Variants in KCND2 observed in about 807,000 individuals in gnomAD.
The protein encoded by KCND2 is potassium voltage-gated channel subfamily D member 2, also known as A-type voltage-gated potassium channel KCND2.
KCND2 carries 16 observed loss-of-function variants against 54.4 expected under a neutral mutation model. The observed-to-expected ratio is 0.29, with a 90% CI of 0.20 to 0.45. The LOEUF is 0.45. Ranked by LOEUF, KCND2 falls within the 20% of genes least tolerant of loss-of-function variation. The pLI, the probability that KCND2 is intolerant of heterozygous loss-of-function variation, is 1.00. For synonymous variants in KCND2, 317 were observed against 310.7 expected, an observed-to-expected ratio of 1.02 and a Z score of -0.21; for missense variants, 486 against 824.2, an observed-to-expected ratio of 0.59 and a Z score of 5.02.
intron 1 of KCND2, among the ~76,000 whole-genome samples, chr7:120,362,809 A>G (rs1444350248): frequency 6.6e-6 from 1 of 152,076 alleles, no homozygotes; most frequent in Non-Finnish European, 1.5e-5. Context: ...AATATATTTT[A>G]TCTTTGGCAA....
intron 1 of KCND2, among the ~76,000 whole-genome samples, chr7:120,546,966 C>T (rs73439851): frequency 0.025 from 3,818 of 151,762 alleles, 137 homozygotes; most frequent in African/African-American, 0.086. Context: ...TTTTTCTCCT[C>T]TGTCTCACTA....
At chr7:120,522,946 C>T (rs752292561) in intron 1 of KCND2, among the ~76,000 whole-genome samples, 6 of 152,132 alleles carry the variant, frequency 3.9e-5, no homozygotes, top group Non-Finnish European at 5.9e-5. Context: ...ACATACCTGT[C>T]TTTTGATTCC....
intron 1 of KCND2, among the ~76,000 whole-genome samples, chr7:120,326,944 G>A (rs1372558009): frequency 6.6e-6 from 1 of 152,012 alleles, no homozygotes; most frequent in Admixed American, 6.6e-5. Context: ...AATAGATCTG[G>A]TAGGGCTAGG....
chr7:120,554,097 C>T (rs1363477437), intron 1 of KCND2, among the ~76,000 whole-genome samples: 5 of 152,154 alleles, frequency 3.3e-5, no homozygotes, highest in Non-Finnish European at 7.4e-5. Context: ...TCCTGCTGAC[C>T]TGGAGATGAT....
intron 1 of KCND2, among the ~76,000 whole-genome samples, chr7:120,599,236 G>A (rs975969312): frequency 6.6e-6 from 1 of 151,942 alleles, no homozygotes. Flanking sequence ...TTCATAATAG[G>A]TCTTGAAATA....
intron 1 of KCND2, among the ~76,000 whole-genome samples, chr7:120,528,731 T>G (rs961581745): frequency 2.0e-5 from 3 of 152,160 alleles, no homozygotes; most frequent in Non-Finnish European, 2.9e-5. Flanking sequence ...AATTTTTCAT[T>G]CCCATTTTGG....
chr7:120,661,556 A>G (rs923260170), intron 1 of KCND2, among the ~76,000 whole-genome samples: 1 of 152,034 alleles, frequency 6.6e-6, no homozygotes, highest in African/African-American at 2.4e-5. Context: ...AGGCTGAGGC[A>G]CAAGAATCAC....
At chr7:120,532,431 A>G (rs962677996) in intron 1 of KCND2, among the ~76,000 whole-genome samples, 42 of 151,890 alleles carry the variant, frequency 2.8e-4, no homozygotes, top group Admixed American at 2.8e-3. Context: ...TATAATTGCT[A>G]GTATAACATG....
intron 1 of KCND2, among the ~76,000 whole-genome samples, chr7:120,389,962 C>T (rs1801048475): frequency 6.6e-6 from 1 of 151,830 alleles, no homozygotes; most frequent in South Asian, 2.1e-4. Flanking sequence ...AACTTATGTT[C>T]ACCATAAACT....
intron 1 of KCND2, among the ~76,000 whole-genome samples, chr7:120,460,623 T>C (rs915923242): frequency 2.0e-5 from 3 of 150,026 alleles, no homozygotes; most frequent in Non-Finnish European, 4.4e-5. Context: ...GAAACAATTA[T>C]CCATTTATTT....
intron 1 of KCND2, among the ~76,000 whole-genome samples, chr7:120,326,538 T>A (rs1301156415): frequency 6.6e-6 from 1 of 152,100 alleles, no homozygotes; most frequent in Non-Finnish European, 1.5e-5. Context: ...TAGCTCATTG[T>A]TGAAGGGAAA....
rs140252665 is a variant in KCND2 at position 120,371,595 on chromosome 7, A to G, written c.1115+95848A>G. On this transcript the variant is annotated intron_variant, in intron 1 of 5. Transcript: ENST00000331113. ...AAGACCCTTTCTTCACATTCACTCAATGTTCACTCACTGATTCACCCAGAG... is the reference window on the plus strand; with the variant it reads ...AAGACCCTTTCTTCACATTCACTCAGTGTTCACTCACTGATTCACCCAGAG... Among the ~76,000 whole-genome samples the G allele has an allele frequency of 3.5e-3, 526 of 152,156 alleles. 3 individuals are homozygous for G. The highest frequency in any genetic ancestry group is 0.012 in the African/African-American group (502 of 41,560).
chr7:120,362,870 G>C (rs1190008168), intron 1 of KCND2, among the ~76,000 whole-genome samples: 2 of 152,030 alleles, frequency 1.3e-5, no homozygotes, highest in Non-Finnish European at 2.9e-5. Context: ...TAGGTTGGAT[G>C]CAGGGTGAAC....
intron 1 of KCND2, among the ~76,000 whole-genome samples, chr7:120,402,693 T>C (rs1801282468): frequency 6.6e-6 from 1 of 152,138 alleles, no homozygotes. Flanking sequence ...GATAATAAAT[T>C]CCAGTGTACT....
At chr7:120,300,122 A>T (rs1799564904) in intron 1 of KCND2, among the ~76,000 whole-genome samples, 2 of 152,180 alleles carry the variant, frequency 1.3e-5, no homozygotes, top group African/African-American at 2.4e-5. Flanking sequence ...TGAGTGGGAC[A>T]ATGACACCAG....
chr7:120,455,631 A>C (rs759232111), intron 1 of KCND2, among the ~76,000 whole-genome samples: 3 of 152,194 alleles, frequency 2.0e-5, no homozygotes. Flanking sequence ...ATACATATAC[A>C]TCATGAAATA....
At chr7:120,510,190 A>T (rs1019242360) in intron 1 of KCND2, among the ~76,000 whole-genome samples, 1 of 152,152 alleles carries the variant, frequency 6.6e-6, no homozygotes, top group African/African-American at 2.4e-5. Context: ...CATATTAAGT[A>T]CAACATATTC....
intron 1 of KCND2, among the ~76,000 whole-genome samples, chr7:120,352,690 T>G (rs1320554978): frequency 2.6e-5 from 4 of 152,130 alleles, no homozygotes; most frequent in Admixed American, 2.6e-4. Flanking sequence ...GTTATACAAT[T>G]TAGCTTACAT....
intron 1 of KCND2, among the ~76,000 whole-genome samples, chr7:120,532,763 T>A (rs1157986647): frequency 6.6e-6 from 1 of 152,020 alleles, no homozygotes; most frequent in African/African-American, 2.4e-5. Context: ...ATTAAAAAAC[T>A]ATATGCATAT....
Sources: allele counts gnomAD v4.1 joint callset (sites outside exome capture counted in the v4.1 genomes callset), GRCh38; gene constraint gnomAD v4.1.1; transcripts MANE v1.5; gene names NCBI Gene and HGNC (gene_info 2026-07-23, HGNC 2026-07-21).